THADA: variants seen among roughly 807,000 people sequenced by gnomAD.
The protein encoded by THADA is THADA armadillo repeat containing, also known as tRNA (32-2'-O)-methyltransferase regulator THADA.
THADA carries 213 observed loss-of-function variants against 219.8 expected under a neutral mutation model. That is an observed-to-expected ratio of 0.97 (90% CI 0.87 to 1.09). The LOEUF (loss-of-function observed/expected upper bound fraction) is 1.09, where lower values mean the gene tolerates loss of function less well. THADA is among the 50% of genes least tolerant of loss of function. The pLI is 0.00. For missense variants in THADA, 2,956 were observed against 2,311.3 expected (o/e 1.28, Z -5.72); for synonymous variants, 1,018 against 828.9 (o/e 1.23, Z -3.92).
At chr2:43,593,060 C>T (rs1350658910) in intron 1 of THADA, among the ~76,000 whole-genome samples, 4 of 152,188 alleles carry the variant, frequency 2.6e-5, no homozygotes, top group African/African-American at 7.2e-5. Flanking sequence ...AGGGAAATGT[C>T]ATAGGGCTCT....
chr2:43,525,951 C>A (rs970478318), intron 22 of THADA, among the ~76,000 whole-genome samples: 1 of 152,176 alleles, frequency 6.6e-6, no homozygotes, highest in East Asian at 1.9e-4. Flanking sequence ...ATCTGTATTA[C>A]AATCTATCTA....
chr2:43,573,519 G>A (rs78495808), intron 11 of THADA, among the ~76,000 whole-genome samples: 1 of 152,182 alleles, frequency 6.6e-6, no homozygotes, highest in South Asian at 2.1e-4. Context: ...CCTTACTTCA[G>A]AACAGATTCT....
intron 29 of THADA, among the ~76,000 whole-genome samples, chr2:43,362,122 C>T (rs113400548): frequency 6.6e-6 from 1 of 152,192 alleles, no homozygotes. Context: ...TACTTTAGCT[C>T]CCAACGTAGG....
intron 36 of THADA, among the ~76,000 whole-genome samples, chr2:43,276,011 G>A (rs1672688923): frequency 6.6e-6 from 1 of 152,220 alleles, no homozygotes; most frequent in Admixed American, 6.5e-5. Flanking sequence ...AGATAGCCTT[G>A]AGCATCTCCT....
At chr2:43,379,780 G>A (rs1426780470) in intron 29 of THADA, among the ~76,000 whole-genome samples, 3 of 152,202 alleles carry the variant, frequency 2.0e-5, no homozygotes, top group African/African-American at 2.4e-5. Flanking sequence ...CCCCAAAGTG[G>A]AAACAATCAA....
chr2:43,316,475 C>T lies in THADA; in HGVS notation c.4438+3971G>A, dbSNP rs191921356. On this transcript the variant is annotated intron_variant, in intron 31 of 37. Coordinates refer to ENST00000405975, the MANE Select transcript of THADA (RefSeq NM_022065.5). ...CCTAATCAAGTGGACTCCTGACATT[C>T]TAAGCCAGGTATGTTATACTGCAGT... Among the ~76,000 whole-genome samples the T allele has an allele frequency of 2.8e-3, 427 of 152,314 alleles. 7 individuals are homozygous for T. Among genetic ancestry groups the T allele is most frequent in the Non-Finnish European group, 2.7e-3 (181 of 68,024 alleles).
intron 25 of THADA, among the ~76,000 whole-genome samples, chr2:43,490,402 G>C (rs1345878318): frequency 6.6e-6 from 1 of 152,088 alleles, no homozygotes; most frequent in African/African-American, 2.4e-5. Flanking sequence ...GGATTTCCTT[G>C]TCTTGTTCCT....
chr2:43,559,868 G>A (rs1406374933), intron 16 of THADA, among the ~76,000 whole-genome samples: 8 of 152,194 alleles, frequency 5.3e-5, no homozygotes, highest in Non-Finnish European at 1.5e-5. Context: ...CTCGAAAAAT[G>A]CAAGTTACTG....
At position 43,574,952 on chromosome 2, in the gene THADA, A is replaced by AATG; in HGVS notation, c.1112_1113insCAT (p.Leu371_Glu372insIle). On this transcript the variant is annotated inframe_insertion, in exon 11 of 38. Transcript: ENST00000405975. ...CCGTTAGGCTCGGGGAACTTGATTC[A>AATG]AGGACTTGTATGGCTGAATTAGTCC... The AATG allele has an allele frequency of 6.2e-7, 1 of 1,614,052 alleles. No individual in the cohort carries two copies. The highest frequency in any genetic ancestry group is 1.1e-5 in the South Asian group (1 of 91,088).
rs551945663 is a variant in THADA, at chr2:43,331,809, A to G, written c.4344-11269T>C. 1.7e-4 allele frequency among the ~76,000 whole-genome samples: 26 copies of G among 152,028 alleles called. No individual in the cohort carries two copies. The South Asian group carries it at 5.4e-3, about 32-fold the overall frequency. On this transcript the variant is annotated intron_variant, in intron 30 of 37. Transcript: ENST00000405975. ...CTATCTTAGTCCACATTCTTTTCTG[A>G]ACTCTTGTACTTACTGTATGTACTT...
rs1696784981 is a variant in THADA, at chr2:43,551,823, G to A, written c.2913C>T (p.Ser971=). 1.2e-6 allele frequency: 2 copies of A among 1,613,752 alleles called. No homozygotes were observed. The highest frequency in any genetic ancestry group is 2.7e-5 in the African/African-American group (2 of 75,010). The stretch of plus-strand genomic sequence containing the variant: ...TGTCCATTGGGATGAGGCCTTCAGG[G>A]GATGAGCTCTGAATGACTGGAGACA... ...TVVSPVIQSS[S]PEGLIPMDTD... The change falls in exon 19 of 38, where the codon TCC becomes TCT. Residue 971 remains serine, a synonymous_variant. Transcript: ENST00000405975.
intron 35 of THADA, among the ~76,000 whole-genome samples, chr2:43,283,677 A>G (rs1213149125): frequency 6.6e-6 from 1 of 152,244 alleles, no homozygotes; most frequent in Admixed American, 6.5e-5. Flanking sequence ...TATCCGGCAG[A>G]AAAAATTTGT....
intron 8 of THADA, among the ~76,000 whole-genome samples, chr2:43,579,570 T>G (rs561365392): frequency 6.6e-6 from 1 of 152,220 alleles, no homozygotes. Context: ...GTGACTTTGA[T>G]TGGGGAAGCC....
intron 29 of THADA, among the ~76,000 whole-genome samples, chr2:43,394,166 C>A (rs561977098): frequency 6.6e-6 from 1 of 152,324 alleles, no homozygotes; most frequent in Admixed American, 6.5e-5. Flanking sequence ...CATGAATCTG[C>A]CGCATAACCT....
intron 26 of THADA, among the ~76,000 whole-genome samples, chr2:43,472,086 G>A (rs757725043): frequency 2.6e-5 from 4 of 152,194 alleles, no homozygotes; most frequent in Admixed American, 6.5e-5. Context: ...AACAGGGATT[G>A]GGGGAAGAAA....
chr2:43,366,297 T>C (rs1670147317), intron 29 of THADA, among the ~76,000 whole-genome samples: 1 of 152,208 alleles, frequency 6.6e-6, no homozygotes, highest in African/African-American at 2.4e-5. Flanking sequence ...TAATGAACTG[T>C]ACACAGATGC....
chr2:43,535,915 C>T (rs1203461891), intron 21 of THADA, among the ~76,000 whole-genome samples: 1 of 151,954 alleles, frequency 6.6e-6, no homozygotes, highest in African/African-American at 2.4e-5. Flanking sequence ...AGCGATTCTC[C>T]TGCCTCAGCC....
intron 31 of THADA, among the ~76,000 whole-genome samples, chr2:43,305,827 CA>C: frequency 6.6e-6 from 1 of 152,284 alleles, no homozygotes; most frequent in South Asian, 2.1e-4. Flanking sequence ...TGTGGATAAA[CA>C]CATGACAACC....
At chr2:43,462,163 G>C (rs1353803655) in intron 26 of THADA, among the ~76,000 whole-genome samples, 1 of 152,094 alleles carries the variant, frequency 6.6e-6, no homozygotes, top group Non-Finnish European at 1.5e-5. Flanking sequence ...AACATTTTAA[G>C]ATACTAGATT....
Sources: allele counts gnomAD v4.1 joint callset (sites outside exome capture counted in the v4.1 genomes callset), GRCh38; gene constraint gnomAD v4.1.1; transcripts MANE v1.5; gene names NCBI Gene and HGNC (gene_info 2026-07-23, HGNC 2026-07-21).